Variants in EIF4G3 observed in about 807,000 individuals in gnomAD.
EIF4G3 encodes the protein eIF-4-gamma 3.
A neutral mutation model predicts 186.4 loss-of-function variants in EIF4G3; 34 were observed. That is an observed-to-expected ratio of 0.18 (90% CI 0.14 to 0.24). The LOEUF is 0.24. Among genes scored for constraint, EIF4G3 ranks in the 10% least tolerant of loss-of-function variants. The pLI, the probability that EIF4G3 is intolerant of heterozygous loss-of-function variation, is 1.00. For missense variants in EIF4G3, 1,536 were observed against 1,948.5 expected (o/e 0.79, Z 3.99); for synonymous variants, 673 against 679.5 (o/e 0.99, Z 0.15).
At chr1:21,125,648 G>A (rs557137674) in intron 2 of EIF4G3, among the ~76,000 whole-genome samples, 14 of 152,028 alleles carry the variant, frequency 9.2e-5, no homozygotes, top group African/African-American at 3.4e-4. Flanking sequence ...GAGCCTGGGA[G>A]GCAGAGGCTG....
At chr1:20,984,471 A>G (rs886200774) in intron 7 of EIF4G3, among the ~76,000 whole-genome samples, 2 of 151,806 alleles carry the variant, frequency 1.3e-5, no homozygotes, top group African/African-American at 4.8e-5. Context: ...TGGCCAATAT[A>G]CTAATTTTTA....
At chr1:20,872,520 A>C (rs894388319) in intron 20 of EIF4G3, among the ~76,000 whole-genome samples, 3 of 152,072 alleles carry the variant, frequency 2.0e-5, no homozygotes, top group African/African-American at 4.8e-5. Flanking sequence ...TTGTTTCAAA[A>C]ATTTTTTAAG....
intron 14 of EIF4G3, among the ~76,000 whole-genome samples, chr1:20,914,591 G>C (rs1253898966): frequency 6.6e-6 from 1 of 152,184 alleles, no homozygotes; most frequent in African/African-American, 2.4e-5. Flanking sequence ...AAAACTGTAA[G>C]ATAATTAATG....
intron 3 of EIF4G3, among the ~76,000 whole-genome samples, chr1:21,077,097 A>G (rs2100629339): frequency 6.6e-6 from 1 of 152,340 alleles, no homozygotes. Context: ...CAGCAAAAAG[A>G]AAAGAAGAAA....
chr1:20,930,281 A>G (rs78116406), intron 14 of EIF4G3, among the ~76,000 whole-genome samples: 5,522 of 152,174 alleles, frequency 0.036, 334 homozygotes, highest in African/African-American at 0.12. Flanking sequence ...GTTTGCTCCA[A>G]CACTTGACTG....
At chr1:21,121,412 T>C (rs1436592776) in intron 2 of EIF4G3, among the ~76,000 whole-genome samples, 4 of 152,194 alleles carry the variant, frequency 2.6e-5, no homozygotes, top group Admixed American at 6.5e-5. Flanking sequence ...CCTCAATTTA[T>C]GAGTGCAAAT....
chr1:21,093,815 G>A (rs2101522364), intron 2 of EIF4G3, among the ~76,000 whole-genome samples: 1 of 152,206 alleles, frequency 6.6e-6, no homozygotes, highest in Admixed American at 6.5e-5. Context: ...GGACATGGAT[G>A]AAGCTGGAAA....
At chr1:20,917,867 A>C (rs2094062780) in intron 14 of EIF4G3, among the ~76,000 whole-genome samples, 1 of 152,212 alleles carries the variant, frequency 6.6e-6, no homozygotes, top group Non-Finnish European at 1.5e-5. Flanking sequence ...AAATACGATA[A>C]TGTATGTTTA....
intron 15 of EIF4G3, among the ~76,000 whole-genome samples, chr1:20,903,087 G>A (rs2090934577): frequency 6.6e-6 from 1 of 152,240 alleles, no homozygotes; most frequent in Admixed American, 6.5e-5. Context: ...CTTTTGCACA[G>A]CATACAAGGT....
At position 20,857,299 on chromosome 1, in the gene EIF4G3, T is replaced by G. The variant is rs937340858; in HGVS notation, c.3339+104A>C. On this transcript the variant is annotated intron_variant, in intron 25 of 36. Coordinates refer to ENST00000602326, the MANE Select transcript of EIF4G3 (RefSeq NM_001391906.1). ...GCTGTTTTACTTTAATAAGTACTTTTGAGACACGTTTTGCAACTATTGTAA... is the reference window on the plus strand; with the variant it reads ...GCTGTTTTACTTTAATAAGTACTTTGGAGACACGTTTTGCAACTATTGTAA... 1.5e-5 allele frequency: 14 copies of G among 948,524 alleles called. No individual in the cohort carries two copies. The Admixed American group carries it at 2.3e-4, about 16-fold the overall frequency. 58.8% of individuals were successfully genotyped at this position (948,524 alleles called of 1,614,324 possible).
chr1:20,995,121 CA>C (rs1056075605), intron 7 of EIF4G3, among the ~76,000 whole-genome samples: 5 of 152,114 alleles, frequency 3.3e-5, no homozygotes, highest in African/African-American at 1.2e-4. Flanking sequence ...TAAAGAAAGA[CA>C]AAATGTACCA....
intron 20 of EIF4G3, among the ~76,000 whole-genome samples, chr1:20,874,143 A>G (rs995384587): frequency 2.0e-5 from 3 of 152,194 alleles, no homozygotes; most frequent in Non-Finnish European, 4.4e-5. Context: ...TAGTGCTGCA[A>G]TAAACACACG....
At chr1:20,981,656 CAT>C (rs2078199504) in intron 8 of EIF4G3, among the ~76,000 whole-genome samples, 1 of 127,646 alleles carries the variant, frequency 7.8e-6, no homozygotes, top group Non-Finnish European at 1.7e-5. Context: ...TGTATACATA[CAT>C]GTATACGCAC....
chr1:21,024,011 C>T (rs1270594484), intron 4 of EIF4G3, among the ~76,000 whole-genome samples: 1 of 146,954 alleles, frequency 6.8e-6, no homozygotes, highest in Non-Finnish European at 1.5e-5. Flanking sequence ...GTGAGGAGAC[C>T]CTCTGCCTGG....
rs1220966811 is a variant in EIF4G3 at position 20,913,278 on chromosome 1, A to C, written c.1664-8307T>G. Among the ~76,000 whole-genome samples, 3 of 152,350 alleles carry C rather than the reference A, an allele frequency of 2.0e-5. No individual in the cohort carries two copies. The East Asian group carries it at 5.8e-4, about 29-fold the overall frequency. On this transcript the variant is annotated intron_variant, in intron 14 of 36. Coordinates refer to ENST00000602326, the MANE Select transcript of EIF4G3 (RefSeq NM_001391906.1). Reference sequence around the variant, plus strand: ...ACTAGACTTAAATTCTATCAAAAACAGCCATTTCACTTGGGGAGGACAAGG... The same window carrying C: ...ACTAGACTTAAATTCTATCAAAAACCGCCATTTCACTTGGGGAGGACAAGG...
At chr1:20,884,661 C>G (rs2083518382) in intron 19 of EIF4G3, among the ~76,000 whole-genome samples, 1 of 152,092 alleles carries the variant, frequency 6.6e-6, no homozygotes, top group Non-Finnish European at 1.5e-5. Flanking sequence ...GAAGGATGTC[C>G]TTAGGAACCC....
chr1:21,050,778 A>C, intron 4 of EIF4G3, 88 bp downstream of exon 4: 1 of 647,148 alleles, frequency 1.5e-6, no homozygotes, highest in South Asian at 1.8e-5. Context: ...GTAATGTTTT[A>C]TGTTACTGCT....
intron 7 of EIF4G3, among the ~76,000 whole-genome samples, chr1:20,994,628 C>CTTTT (rs3081939): frequency 0.25 from 31,375 of 124,052 alleles, 4,928 homozygotes; most frequent in Non-Finnish European, 0.34. Flanking sequence ...AACATATATA[C>CTTTT]TTTTTTTTTT....
At chr1:20,819,942 A>C (rs564007946) in intron 33 of EIF4G3, among the ~76,000 whole-genome samples, 2 of 152,062 alleles carry the variant, frequency 1.3e-5, no homozygotes, top group African/African-American at 4.8e-5. Context: ...GACAGAAAGA[A>C]AGAGAGAGAG....
Sources: gnomAD v4.1 joint callset for allele counts (sites outside exome capture counted in the v4.1 genomes callset) on GRCh38, gnomAD v4.1.1 for gene constraint, MANE v1.5 for transcripts, NCBI Gene and HGNC (gene_info 2026-07-23, HGNC 2026-07-21) for gene names.